TTLL11: variants seen among roughly 807,000 people sequenced by gnomAD.
TTLL11 encodes tubulin tyrosine ligase like 11.
A neutral mutation model predicts 51.7 loss-of-function variants in TTLL11; 42 were observed. The ratio of observed to expected loss-of-function variants is 0.81; its 90% confidence interval spans 0.64 to 1.05. The LOEUF (loss-of-function observed/expected upper bound fraction) is 1.05, where lower values mean the gene tolerates loss of function less well. Among genes scored for constraint, TTLL11 ranks in the 50% least tolerant of loss-of-function variants. The pLI is 0.00. For synonymous variants in TTLL11, 381 were observed against 383.5 expected (o/e 0.99, Z 0.08); for missense variants, 799 against 940.4 (o/e 0.85, Z 1.97).
At position 122,092,820 on chromosome 9, in the gene TTLL11, C is replaced by T. The variant is rs1564395139; in HGVS notation, c.329G>A (p.Arg110Gln). 2 of 1,553,748 alleles carry T rather than the reference C, an allele frequency of 1.3e-6. No individual in the cohort carries two copies. The highest frequency in any genetic ancestry group is 1.7e-6 in the Non-Finnish European group (2 of 1,156,582). ...CPHGKPRDKG[R>Q]SCKRSSGHGS... ...GTGGCCCGAGCTCCGCTTGCAGCTT[C>T]GGCCCTTGTCCCGGGGCTTCCCGTG... The change falls in exon 1 of 9, where the codon CGA becomes CAA. Residue 110 changes from arginine to glutamine, a missense_variant. Physicochemically the swap from Arg to Gln is conservative, Grantham distance 43. Coordinates refer to ENST00000321582, the MANE Select transcript of TTLL11 (RefSeq NM_001139442.2).
chr9:121,873,382 CTT>C (rs71370697), intron 6 of TTLL11, among the ~76,000 whole-genome samples: 419 of 110,514 alleles, frequency 3.8e-3, no homozygotes, highest in Admixed American at 6.6e-3. Context: ...TCTTCTTCTC[CTT>C]TTTTTTTTTT....
At chr9:121,859,283 G>C (rs1191146673) in intron 8 of TTLL11, among the ~76,000 whole-genome samples, 1 of 151,762 alleles carries the variant, frequency 6.6e-6, no homozygotes, top group Non-Finnish European at 1.5e-5. Flanking sequence ...TTGAGCTCAG[G>C]AGTTCAAGAC....
rs956699987 is a variant in TTLL11, at chr9:121,822,493, C to A, written c.*94G>T. The A allele has an allele frequency of 1.6e-6, 2 of 1,233,352 alleles. No homozygotes were observed. The highest frequency in any genetic ancestry group is 1.1e-6 in the Non-Finnish European group (1 of 925,612). The allele number at this position is 1,233,352 out of a possible 1,614,324, so 76.4% of individuals were successfully genotyped here. A position where few individuals can be genotyped will look rare whatever the true frequency, so the allele number is the denominator to read the frequency against. ...GGACCTCAGCTGGGCCCCTCGGCAG[C>A]CTGCCTGCCATTCCTCTGCAGGCAG... On this transcript the variant is annotated 3_prime_UTR_variant, in exon 9 of 9. Transcript: ENST00000321582. This position sits in a 1 kb window ranked among gnomAD's most constrained non-coding sequence, Gnocchi z 5.8.
chr9:122,068,015 T>A (rs1845633447), intron 1 of TTLL11, among the ~76,000 whole-genome samples: 1 of 152,222 alleles, frequency 6.6e-6, no homozygotes. Flanking sequence ...AAGACATATA[T>A]ACAAGGATAT....
intron 8 of TTLL11, among the ~76,000 whole-genome samples, chr9:121,851,942 C>G (rs112416715): frequency 0.016 from 2,479 of 152,290 alleles, 75 homozygotes; most frequent in African/African-American, 0.057. Flanking sequence ...AAACACAGCT[C>G]TGCCCAATTC....
At chr9:121,920,739 T>C (rs1840507291) in intron 6 of TTLL11, among the ~76,000 whole-genome samples, 1 of 152,204 alleles carries the variant, frequency 6.6e-6, no homozygotes, top group Non-Finnish European at 1.5e-5. Flanking sequence ...CAAGGACAAT[T>C]GGATAAGACT....
chr9:121,971,480 G>A (rs1318799028), intron 6 of TTLL11, among the ~76,000 whole-genome samples: 10 of 128,084 alleles, frequency 7.8e-5, no homozygotes, highest in South Asian at 2.5e-4. Flanking sequence ...CAGCCGCCCC[G>A]TCCGGGAGGT....
intron 6 of TTLL11, among the ~76,000 whole-genome samples, chr9:121,924,191 T>C (rs1385989517): frequency 2.0e-5 from 3 of 152,240 alleles, no homozygotes; most frequent in African/African-American, 7.2e-5. Context: ...CTGGAAAGCC[T>C]TCCCAGACAC....
intron 1 of TTLL11, among the ~76,000 whole-genome samples, chr9:122,052,720 A>C (rs1369962431): frequency 6.6e-6 from 1 of 152,196 alleles, no homozygotes; most frequent in East Asian, 1.9e-4. Flanking sequence ...CACATGGTAC[A>C]ATCAGGGTAT....
chr9:122,043,790 T>C (rs948894312), intron 1 of TTLL11, among the ~76,000 whole-genome samples: 2 of 151,998 alleles, frequency 1.3e-5, no homozygotes, highest in African/African-American at 4.8e-5. Flanking sequence ...TGGCAGAAAA[T>C]ATGTGCAAAA....
intron 6 of TTLL11, among the ~76,000 whole-genome samples, chr9:121,925,636 G>T (rs1339068350): frequency 1.3e-5 from 2 of 152,114 alleles, no homozygotes; most frequent in Non-Finnish European, 2.9e-5. Flanking sequence ...ACCTCCTTAG[G>T]TTTCCCTTAG....
chr9:121,955,998 T>TA (rs11398107), intron 6 of TTLL11, among the ~76,000 whole-genome samples: 37,085 of 152,122 alleles, frequency 0.24, 4,833 homozygotes, highest in Middle Eastern at 0.3. Flanking sequence ...ATTCAATAAT[T>TA]AAGTGGTTAA....
intron 6 of TTLL11, among the ~76,000 whole-genome samples, chr9:121,957,942 T>A (rs1214832021): frequency 6.6e-6 from 1 of 152,202 alleles, no homozygotes; most frequent in Non-Finnish European, 1.5e-5. Context: ...CAGTTTGTTT[T>A]CTTTCTTGGG....
chr9:121,842,370 G>A (rs977201288), intron 8 of TTLL11, among the ~76,000 whole-genome samples: 1 of 152,038 alleles, frequency 6.6e-6, no homozygotes, highest in Admixed American at 6.6e-5. Context: ...CAATCCTCCT[G>A]CCCCAGCATT....
chr9:121,851,773 G>A (rs966310973), intron 8 of TTLL11, among the ~76,000 whole-genome samples: 1 of 152,226 alleles, frequency 6.6e-6, no homozygotes, highest in Non-Finnish European at 1.5e-5. Flanking sequence ...CAACAATAAA[G>A]TGTGTGCAAA....
chr9:121,905,017 G>A lies in TTLL11; in HGVS notation c.1482-34269C>T, dbSNP rs559560685. Reference sequence around the variant, plus strand: ...TTGTCATGTTCTTTCACTTTGAAAAGCTCAGCTAACTTTCTGGATTGTTCC... The same window carrying A: ...TTGTCATGTTCTTTCACTTTGAAAAACTCAGCTAACTTTCTGGATTGTTCC... On this transcript the variant is annotated intron_variant, in intron 6 of 8. Transcript: ENST00000321582. 2.0e-5 allele frequency among the ~76,000 whole-genome samples: 3 copies of A among 152,294 alleles called. No homozygotes were observed. The South Asian group carries it at 6.2e-4, about 32-fold the overall frequency.
chr9:121,933,780 T>C (rs1204405784), intron 6 of TTLL11, among the ~76,000 whole-genome samples: 1 of 152,266 alleles, frequency 6.6e-6, no homozygotes, highest in Non-Finnish European at 1.5e-5. Flanking sequence ...TGTTGGTTTC[T>C]ACATTTGGTC....
intron 6 of TTLL11, among the ~76,000 whole-genome samples, chr9:121,876,683 C>T (rs1349332027): frequency 1.3e-5 from 2 of 152,142 alleles, no homozygotes; most frequent in East Asian, 1.9e-4. Flanking sequence ...CTATGTATTC[C>T]GAACTGAGAG....
At chr9:122,091,613 C>T (rs929175776) in intron 1 of TTLL11, among the ~76,000 whole-genome samples, 2 of 152,214 alleles carry the variant, frequency 1.3e-5, no homozygotes, top group African/African-American at 2.4e-5. Context: ...TATGTTCCAA[C>T]TTAATGAAAC....
Sources: gnomAD v4.1 joint callset for allele counts (sites outside exome capture counted in the v4.1 genomes callset) on GRCh38, gnomAD v4.1.1 for gene constraint, Gnocchi (gnomAD v3.1) non-coding constraint, MANE v1.5 for transcripts, NCBI Gene and HGNC (gene_info 2026-07-23, HGNC 2026-07-21) for gene names.